The following SWT1 variants were observed in gnomAD, a reference collection of about 807,000 sequenced individuals.
The protein encoded by SWT1 is SWT1 RNA endoribonuclease homolog.
A neutral mutation model predicts 107.3 loss-of-function variants in SWT1; 33 were observed. The observed-to-expected ratio is 0.31, with a 90% CI of 0.23 to 0.41. The LOEUF is 0.41. Among genes scored for constraint, SWT1 ranks in the 10% least tolerant of loss-of-function variants. The probability of loss-of-function intolerance (pLI) is 1.00; values close to 1 mark genes in which losing one functional copy is unlikely to be tolerated. For missense variants in SWT1, 898 were observed against 1,028.9 expected (o/e 0.87, Z 1.74); for synonymous variants, 345 against 348.3 (o/e 0.99, Z 0.11).
At position 185,291,467 on chromosome 1, in the gene SWT1, G is replaced by A. The variant is rs1256295822; in HGVS notation, c.*664G>A. On this transcript the variant is annotated 3_prime_UTR_variant, in exon 19 of 19. Transcript: ENST00000367500. ...CCCTCTGCTGGGTTTCTCCTTAAAT[G>A]TGAAGCAAAATAAATTTATATAATG... 1 of 152,562 alleles carries A rather than the reference G, an allele frequency of 6.6e-6. No homozygotes were observed. The highest frequency in any genetic ancestry group is 1.9e-4 in the East Asian group (1 of 5,180). The allele number at this position is 152,562 out of a possible 1,614,324, so 9.5% of individuals were successfully genotyped here.
intron 1 of SWT1, among the ~76,000 whole-genome samples, chr1:185,158,269 G>C (rs570074631): frequency 1.4e-4 from 21 of 151,832 alleles, no homozygotes; most frequent in Admixed American, 1.2e-3. Context: ...ATCTGGAGGG[G>C]TGTGTGTGTG....
chr1:185,214,631 C>T lies in SWT1; in HGVS notation c.2097C>T (p.Asn699=). 6.2e-7 allele frequency: 1 copy of T among 1,610,584 alleles called. No homozygotes were observed. Among genetic ancestry groups the T allele is most frequent in the Non-Finnish European group, 8.5e-7 (1 of 1,178,502 alleles). The change falls in exon 14 of 19, where the codon AAC becomes AAT. Residue 699 remains asparagine (N), a synonymous_variant. Transcript: ENST00000367500. ...TTCCACAGACCTTTGCTCAAGTAAA[C>T]AACCTCCTTCAGACATTTGCAGAGG... ...GILPQTFAQV[N]NLLQTFAEVK...
At chr1:185,234,065 G>A (rs1208895838) in intron 16 of SWT1, among the ~76,000 whole-genome samples, 22 of 152,168 alleles carry the variant, frequency 1.4e-4, no homozygotes. Context: ...TAAGGGCAGT[G>A]TGGTGCTGAG....
At chr1:185,178,778 G>C (rs771731897) in intron 5 of SWT1, among the ~76,000 whole-genome samples, 2 of 152,010 alleles carry the variant, frequency 1.3e-5, no homozygotes, top group Non-Finnish European at 2.9e-5. Flanking sequence ...GAGATTTAAA[G>C]TTATATGGAG....
In SWT1 at chr1:185,256,623, C is replaced by G. The variant is rs1404924347; in HGVS notation, c.2442-14700C>G. ...CACGTAGTTCTCGAGCCTTGGTTTT[C>G]AGCTCCATCAGCTCCTTTAAGCACT... is the stretch of plus-strand genomic sequence containing the variant. On this transcript the variant is annotated intron_variant, in intron 16 of 18. Coordinates refer to ENST00000367500, the MANE Select transcript of SWT1 (RefSeq NM_017673.7). Among the ~76,000 whole-genome samples, 40 of 145,456 alleles carry G rather than the reference C, an allele frequency of 2.7e-4. 2 individuals carry two copies. The South Asian group carries it at 5.9e-3, about 21-fold the overall frequency.
chr1:185,175,553 A>G (rs1014040274), intron 5 of SWT1, among the ~76,000 whole-genome samples: 22 of 152,130 alleles, frequency 1.4e-4, no homozygotes, highest in African/African-American at 5.3e-4. Context: ...ATTACTGATG[A>G]TAATCATAGA....
At chr1:185,190,432 A>G in intron 9 of SWT1, 117 bp from the exon 10 acceptor site, 1 of 624,464 alleles carries the variant, frequency 1.6e-6, no homozygotes, top group Non-Finnish European at 2.9e-6. Flanking sequence ...ATAGTATCAT[A>G]CCTTAACTAC....
At chr1:185,205,908 T>C (rs1658296201) in intron 12 of SWT1, among the ~76,000 whole-genome samples, 1 of 152,072 alleles carries the variant, frequency 6.6e-6, no homozygotes, top group African/African-American at 2.4e-5. Flanking sequence ...AATTAAATGA[T>C]CAATGTTTTT....
rs371401959 is a variant in SWT1, at chr1:185,257,384, C to T, written c.2442-13939C>T. Among the ~76,000 whole-genome samples, 25 of 152,290 alleles carry T rather than the reference C, an allele frequency of 1.6e-4. 1 individual carries two copies. In the East Asian group the frequency reaches 2.5e-3, roughly 15 times the overall value. On this transcript the variant is annotated intron_variant, in intron 16 of 18. Transcript: ENST00000367500. ...GGAGGGCGCCCCTCCCCCAGCCTCGCTGCCGCCTTGCAGTTTGATCTCAGA... is the reference window on the plus strand; with the variant it reads ...GGAGGGCGCCCCTCCCCCAGCCTCGTTGCCGCCTTGCAGTTTGATCTCAGA...
chr1:185,208,675 C>T (rs10911689), intron 13 of SWT1, among the ~76,000 whole-genome samples: 2,043 of 151,956 alleles, frequency 0.013, 41 homozygotes, highest in African/African-American at 0.047. Flanking sequence ...TAAATATTTC[C>T]CCTAGGGGAT....
chr1:185,219,449 G>A (rs1000522591), intron 14 of SWT1, among the ~76,000 whole-genome samples: 2 of 152,106 alleles, frequency 1.3e-5, no homozygotes, highest in African/African-American at 4.8e-5. Context: ...TGTTACTACT[G>A]ATAGTATTGG....
At chr1:185,220,034 A>G (rs1482972626) in intron 14 of SWT1, among the ~76,000 whole-genome samples, 2 of 150,380 alleles carry the variant, frequency 1.3e-5, no homozygotes, top group Non-Finnish European at 3.0e-5. Context: ...GGTCCCAGCT[A>G]CTGGGGAGGG....
intron 16 of SWT1, among the ~76,000 whole-genome samples, chr1:185,232,143 C>T (rs1477929537): frequency 6.6e-6 from 1 of 152,032 alleles, no homozygotes; most frequent in Admixed American, 6.6e-5. Context: ...CGCAGTTGGC[C>T]TAAATAATTC....
chr1:185,190,552 G>A lies in SWT1; in HGVS notation c.1433G>A (p.Gly478Glu). ...SIQLASQKHY[G>E]LSDENNDDRV... Reference sequence around the variant, plus strand: ...GTTGCCTTTACTAAATTTGCAGATGGATTGAGTGATGAGAACAATGATGAT... The same window carrying A: ...GTTGCCTTTACTAAATTTGCAGATGAATTGAGTGATGAGAACAATGATGAT... The change falls in exon 10 of 19, where the codon GGA (glycine) becomes GAA (glutamate). Residue 478 changes from glycine (G) to glutamate (E), a missense_variant. Around this residue, in one of 6 missense-constraint regions of SWT1, gnomAD observed 34 missense variants for 50.2 expected, o/e 0.68. Coordinates refer to ENST00000367500, the MANE Select transcript of SWT1 (RefSeq NM_017673.7). 2 of 1,594,102 alleles carry A rather than the reference G, an allele frequency of 1.3e-6. No homozygotes were observed. Among genetic ancestry groups the A allele is most frequent in the Non-Finnish European group, 1.7e-6 (2 of 1,162,850 alleles).
intron 10 of SWT1, 67 bp downstream of exon 10, chr1:185,190,709 T>C (rs2102408015): frequency 2.0e-6 from 2 of 988,396 alleles, no homozygotes; most frequent in Non-Finnish European, 3.1e-6. Flanking sequence ...AAAAATCATA[T>C]GGTATCCAGC....
chr1:185,239,593 G>C (rs1661122339), intron 16 of SWT1, among the ~76,000 whole-genome samples: 1 of 151,974 alleles, frequency 6.6e-6, no homozygotes, highest in South Asian at 2.1e-4. Context: ...TATTCATTTA[G>C]AAATTGCTTC....
chr1:185,159,651 T>C (rs1653967254), intron 1 of SWT1, among the ~76,000 whole-genome samples: 1 of 152,230 alleles, frequency 6.6e-6, no homozygotes, highest in Admixed American at 6.5e-5. Flanking sequence ...AGCAAGTATG[T>C]ATGTAGACAT....
intron 18 of SWT1, chr1:185,281,699 AG>A (rs1415653226): frequency 5.9e-6 from 1 of 168,286 alleles, no homozygotes. Flanking sequence ...ATTGCTAACC[AG>A]GGTGCAGAGA....
chr1:185,200,546 C>A (rs1024537526), intron 10 of SWT1, among the ~76,000 whole-genome samples: 1 of 152,166 alleles, frequency 6.6e-6, no homozygotes, highest in Non-Finnish European at 1.5e-5. Context: ...AGTTCCACTC[C>A]AGACCTTGTT....
Sources: gnomAD v4.1 joint callset for allele counts (sites outside exome capture counted in the v4.1 genomes callset) on GRCh38, gnomAD v4.1.1 for gene constraint, gnomAD v4.1.1 regional missense constraint, MANE v1.5 for transcripts, NCBI Gene and HGNC (gene_info 2026-07-23, HGNC 2026-07-21) for gene names.